Variants in PCSK5 observed in about 807,000 individuals in gnomAD.
PCSK5 encodes the protein prohormone convertase 5.
Under a neutral mutation model 233.2 loss-of-function variants are expected in PCSK5, and 129 were observed. The ratio of observed to expected loss-of-function variants is 0.55; its 90% CI spans 0.48 to 0.64. The LOEUF (loss-of-function observed/expected upper bound fraction) is 0.64. Among genes scored for constraint, PCSK5 ranks in the 30% least tolerant of loss-of-function variants. The pLI, the probability that PCSK5 is intolerant of heterozygous loss-of-function variation, is 0.00. For synonymous variants in PCSK5, 825 were observed against 879.2 expected (o/e 0.94, Z 1.09); for missense variants, 2,076 against 2,430.1 (o/e 0.85, Z 3.06).
intron 7 of PCSK5, among the ~76,000 whole-genome samples, chr9:76,095,665 TA>T (rs113414634): frequency 0.027 from 4,051 of 152,308 alleles, 140 homozygotes; most frequent in African/African-American, 0.08. Flanking sequence ...TGTCCATAAA[TA>T]ATTAGCCATT....
At chr9:75,965,930 T>C (rs1825565611) in intron 2 of PCSK5, among the ~76,000 whole-genome samples, 1 of 152,078 alleles carries the variant, frequency 6.6e-6, no homozygotes, top group African/African-American at 2.4e-5. Flanking sequence ...AGTGATGTGG[T>C]TTGTAATTGG....
At chr9:76,009,122 G>A (rs1364311104) in intron 3 of PCSK5, among the ~76,000 whole-genome samples, 1 of 152,080 alleles carries the variant, frequency 6.6e-6, no homozygotes. Flanking sequence ...AATGATACCT[G>A]GGATGGTGCT....
intron 3 of PCSK5, 73 bp from the exon 4 acceptor site, chr9:76,023,664 AG>A: frequency 7.1e-7 from 1 of 1,404,982 alleles, no homozygotes; most frequent in Non-Finnish European, 9.7e-7. Flanking sequence ...AAAAAACAAA[AG>A]AAAGAAAGAA....
intron 2 of PCSK5, among the ~76,000 whole-genome samples, chr9:75,968,162 T>G (rs1825673209): frequency 6.6e-6 from 1 of 152,234 alleles, no homozygotes; most frequent in South Asian, 2.1e-4. Context: ...GCAACACTAG[T>G]GCCTAGCACA....
intron 5 of PCSK5, among the ~76,000 whole-genome samples, chr9:76,049,831 A>G (rs939705422): frequency 1.9e-4 from 29 of 152,238 alleles, no homozygotes; most frequent in African/African-American, 6.8e-4. Context: ...TTATAATATC[A>G]TCTTTCTCCA....
chr9:75,918,493 AC>A (rs1823104225), intron 1 of PCSK5, among the ~76,000 whole-genome samples: 1 of 152,238 alleles, frequency 6.6e-6, no homozygotes, highest in Non-Finnish European at 1.5e-5. Flanking sequence ...GATTTTTATT[AC>A]TTATTTCAAG....
intron 20 of PCSK5, chr9:76,195,326 G>A (rs939982238): frequency 2.0e-5 from 3 of 152,146 alleles, no homozygotes; most frequent in African/African-American, 7.2e-5. Flanking sequence ...AACTGAATCA[G>A]CCCATAATAT....
intron 9 of PCSK5, among the ~76,000 whole-genome samples, chr9:76,112,807 A>T (rs1244829478): frequency 6.6e-6 from 1 of 152,094 alleles, no homozygotes; most frequent in Non-Finnish European, 1.5e-5. Flanking sequence ...TTATTTAAGG[A>T]AGTCAATGAA....
At chr9:76,074,357 A>G (rs1830573384) in intron 7 of PCSK5, among the ~76,000 whole-genome samples, 1 of 152,172 alleles carries the variant, frequency 6.6e-6, no homozygotes, top group Non-Finnish European at 1.5e-5. Flanking sequence ...TTACTTAGGG[A>G]AAAAAAGGAA....
At chr9:75,978,110 A>G (rs1443720540) in intron 2 of PCSK5, among the ~76,000 whole-genome samples, 2 of 152,094 alleles carry the variant, frequency 1.3e-5, no homozygotes, top group East Asian at 3.9e-4. Context: ...TTAAGCCTAA[A>G]TTTTTGGCTC....
At position 76,127,038 on chromosome 9, in the gene PCSK5, A is replaced by G. The variant is rs73650455; in HGVS notation, c.1209-7071A>G. ...TTGACAGTGAAAACTGATCATTGAA[A>G]AGCTTCATTTTAAAATATACTTCAA... On this transcript the variant is annotated intron_variant, in intron 9 of 37. Coordinates refer to ENST00000674117, the MANE Select transcript of PCSK5 (RefSeq NM_001372043.1). 8.0e-3 allele frequency among the ~76,000 whole-genome samples: 1,220 copies of G among 152,310 alleles called. 15 individuals carry two copies. The highest frequency in any genetic ancestry group is 0.026 in the African/African-American group (1,099 of 41,554).
At position 76,046,192 on chromosome 9, in the gene PCSK5, T is replaced by C. The variant is rs1829382945; in HGVS notation, c.632+19155T>C. Among the ~76,000 whole-genome samples the C allele has an allele frequency of 2.7e-5, 3 of 112,594 alleles. No homozygotes were observed. In the Admixed American group the frequency reaches 2.7e-4, roughly 10 times the overall value. 73.9% of individuals were successfully genotyped at this position (112,594 alleles called of 152,430 possible). ...TTTTTTTTTTTTTTTTTTTTTTTTTTTTTGAGACGGAGTCTCGCCCTCTCG... is the reference window on the plus strand; with the variant it reads ...TTTTTTTTTTTTTTTTTTTTTTTTTCTTTGAGACGGAGTCTCGCCCTCTCG... On this transcript the variant is annotated intron_variant, in intron 5 of 37. Coordinates refer to ENST00000674117, the MANE Select transcript of PCSK5 (RefSeq NM_001372043.1).
At chr9:76,084,782 G>A (rs1020975324) in intron 7 of PCSK5, among the ~76,000 whole-genome samples, 4 of 151,980 alleles carry the variant, frequency 2.6e-5, no homozygotes, top group South Asian at 2.1e-4. Flanking sequence ...AGCAGTAGTC[G>A]GAAAAGAAAA....
chr9:76,217,113 A>C (rs1825563223), intron 20 of PCSK5, among the ~76,000 whole-genome samples: 1 of 152,198 alleles, frequency 6.6e-6, no homozygotes, highest in African/African-American at 2.4e-5. Flanking sequence ...GTGAGCCACC[A>C]CCATTACTAT....
At chr9:76,082,748 C>T (rs1249802252) in intron 7 of PCSK5, among the ~76,000 whole-genome samples, 1 of 151,390 alleles carries the variant, frequency 6.6e-6, no homozygotes, top group Admixed American at 6.6e-5. Context: ...TTGTTGCAAT[C>T]GATATTCATC....
intron 20 of PCSK5, among the ~76,000 whole-genome samples, chr9:76,221,752 A>C (rs2131301746): frequency 6.6e-6 from 1 of 152,302 alleles, no homozygotes; most frequent in Middle Eastern, 3.4e-3. Flanking sequence ...GAAGGAAACT[A>C]AATATTTGTG....
rs1013269609 is a variant in PCSK5 at position 75,994,947 on chromosome 9, C to G, written c.411+8702C>G. Among the ~76,000 whole-genome samples, 15 of 152,232 alleles carry G rather than the reference C, an allele frequency of 9.9e-5. 1 individual carries two copies. The highest frequency in any genetic ancestry group is 9.8e-4 in the Admixed American group (15 of 15,290). ...CATGATTTGTTCTCTGCTCACCTCT[C>G]CAAACATCTTGCAATACTTTCTACT... On this transcript the variant is annotated intron_variant, in intron 3 of 37. Transcript: ENST00000674117.
intron 3 of PCSK5, among the ~76,000 whole-genome samples, chr9:75,992,600 T>TACACACACAC (rs1197208148): frequency 6.6e-6 from 1 of 150,454 alleles, no homozygotes; most frequent in Non-Finnish European, 1.5e-5. Context: ...TACACACACA[T>TACACACACAC]ACACACACAC....
intron 2 of PCSK5, among the ~76,000 whole-genome samples, chr9:75,979,678 C>T (rs1428501833): frequency 2.0e-5 from 3 of 152,182 alleles, no homozygotes; most frequent in Admixed American, 1.3e-4. Flanking sequence ...TTTGCATTAG[C>T]TGGTCACATT....
Sources: gnomAD v4.1 joint callset for allele counts (sites outside exome capture counted in the v4.1 genomes callset) on GRCh38, gnomAD v4.1.1 for gene constraint, MANE v1.5 for transcripts, NCBI Gene and HGNC (gene_info 2026-07-23, HGNC 2026-07-21) for gene names.